The following TNS1 variants were observed in gnomAD, a reference collection of about 807,000 sequenced individuals.
TNS1 encodes tensin-1.
In TNS1, 62 loss-of-function variants were observed where a neutral mutation model predicts 168.6. The observed-to-expected ratio is 0.37, with a 90% CI of 0.30 to 0.45. The LOEUF (loss-of-function observed/expected upper bound fraction) is 0.45. Ranked by LOEUF, TNS1 falls within the 20% of genes least tolerant of loss-of-function variation. The pLI, the probability that TNS1 is intolerant of heterozygous loss-of-function variation, is 1.00. For synonymous variants in TNS1, 934 were observed against 933.2 expected (o/e 1.00, Z -0.02); for missense variants, 2,240 against 2,339.4 (o/e 0.96, Z 0.88).
intron 1 of TNS1, among the ~76,000 whole-genome samples, chr2:218,027,236 G>A (rs921577494): frequency 3.3e-5 from 5 of 151,874 alleles, no homozygotes; most frequent in Admixed American, 2.6e-4. Flanking sequence ...TTAAATCATC[G>A]GTCCCTCTCT....
chr2:217,970,517 A>C (rs911369567), intron 3 of TNS1, among the ~76,000 whole-genome samples: 7 of 152,224 alleles, frequency 4.6e-5, no homozygotes, highest in African/African-American at 1.7e-4. Flanking sequence ...CAACTGATGA[A>C]TGGAAAAACA....
At chr2:218,009,896 C>T (rs879806602) in intron 1 of TNS1, among the ~76,000 whole-genome samples, 1 of 152,202 alleles carries the variant, frequency 6.6e-6, no homozygotes, top group Non-Finnish European at 1.5e-5. Context: ...CTCCCCTTCC[C>T]GGATCCCAGC....
intron 32 of TNS1, among the ~76,000 whole-genome samples, chr2:217,806,775 C>T (rs1338577593): frequency 6.6e-6 from 1 of 152,240 alleles, no homozygotes; most frequent in African/African-American, 2.4e-5. Context: ...TCACTAGCCT[C>T]CTCCTGCCTC....
chr2:217,991,083 C>A, intron 1 of TNS1, 27 bp from the exon 2 acceptor site: 2 of 616,074 alleles, frequency 3.2e-6, no homozygotes, highest in South Asian at 1.8e-5. Flanking sequence ...ACAGAGTCAG[C>A]CCTGGGTAGA....
chr2:217,810,304 G>C lies in TNS1; in HGVS notation c.5048C>G (p.Ser1683Trp), dbSNP rs753948729. Residue 1683 changes from serine to tryptophan, a missense_variant, in exon 29 of 33, where the codon TCG becomes TGG. By Grantham distance (177) the Ser-to-Trp change is radical (BLOSUM62 -3). This residue lies in a region of TNS1 where 2,131 missense variants were observed against 2,171.2 expected (regional missense o/e 0.98). Coordinates refer to ENST00000682258, the MANE Select transcript of TNS1 (RefSeq NM_001387777.1). ...GTTGGCAGGGCCGGAGCTATCTTTC[G>C]ATTCATCTGTGGGGTCTAAGACAAA... ...VIPNRDPTDE[S>W]KDSSGPANST... 2 of 1,614,018 alleles carry C rather than the reference G, an allele frequency of 1.2e-6. No individual in the cohort carries two copies. The highest frequency in any genetic ancestry group is 1.3e-5 in the African/African-American group (1 of 74,894).
Position 218,025,869 on chromosome 2 carries a change from C to A in TNS1, c.156+7951G>T, listed in dbSNP as rs1324747578. On this transcript the variant is annotated intron_variant, in intron 1 of 1. Transcript: ENST00000649572. ...GGACGGTCTTTCTAGATCAACTCCA[C>A]CTCCATGGTTCCCTGTTGGCTTTGC... 2.6e-5 allele frequency among the ~76,000 whole-genome samples: 4 copies of A among 152,244 alleles called. No individual in the cohort carries two copies. In the East Asian group the frequency reaches 7.7e-4, roughly 29 times the overall value.
At chr2:218,021,673 C>T (rs1431520454) in intron 1 of TNS1, among the ~76,000 whole-genome samples, 2 of 151,990 alleles carry the variant, frequency 1.3e-5, no homozygotes, top group Non-Finnish European at 2.9e-5. Context: ...TCCCAGGAGT[C>T]GCTGGGGCCA....
At chr2:217,844,917 T>G (rs927845282) in intron 19 of TNS1, among the ~76,000 whole-genome samples, 1 of 152,240 alleles carries the variant, frequency 6.6e-6, no homozygotes, top group Admixed American at 6.5e-5. Context: ...CTTATTGCAC[T>G]GGCTAGGACA....
chr2:217,839,785 A>G (rs1279050624), intron 19 of TNS1, among the ~76,000 whole-genome samples: 2 of 152,152 alleles, frequency 1.3e-5, no homozygotes, highest in Non-Finnish European at 2.9e-5. Flanking sequence ...TCCGATTTCC[A>G]AAAGACTGGA....
chr2:217,942,288 CCG>C (rs1956951576), intron 3 of TNS1, among the ~76,000 whole-genome samples: 1 of 152,190 alleles, frequency 6.6e-6, no homozygotes, highest in Non-Finnish European at 1.5e-5. Flanking sequence ...GCCGGACTGG[CCG>C]AGACCCTCCC....
chr2:217,825,456 C>T (rs751326372), intron 22 of TNS1, among the ~76,000 whole-genome samples: 2 of 152,196 alleles, frequency 1.3e-5, no homozygotes, highest in Non-Finnish European at 2.9e-5. Context: ...CTGCCCAGAC[C>T]TTTTAAGAGT....
intron 32 of TNS1, among the ~76,000 whole-genome samples, chr2:217,805,492 A>ACATACACACCACCCACACAC (rs1938469476): frequency 4.3e-5 from 1 of 23,080 alleles, no homozygotes; most frequent in African/African-American, 1.6e-4. Flanking sequence ...CACCACACAC[A>ACATACACACCACCCACACAC]CACCACACAC....
At chr2:217,841,605 C>T (rs1230912776) in intron 19 of TNS1, among the ~76,000 whole-genome samples, 2 of 152,082 alleles carry the variant, frequency 1.3e-5, no homozygotes, top group Non-Finnish European at 2.9e-5. Context: ...AGCACCACAG[C>T]GTTTCCCTCT....
chr2:217,937,628 T>C (rs1465685830), intron 3 of TNS1, among the ~76,000 whole-genome samples: 1 of 151,936 alleles, frequency 6.6e-6, no homozygotes, highest in Non-Finnish European at 1.5e-5. Flanking sequence ...CAATCCAAGG[T>C]GAAGTTCCAC....
At chr2:217,857,926 G>T (rs1948347230) in intron 18 of TNS1, among the ~76,000 whole-genome samples, 1 of 152,296 alleles carries the variant, frequency 6.6e-6, no homozygotes, top group Non-Finnish European at 1.5e-5. Context: ...CCAGGCCAGG[G>T]TGCCAGCCTG....
At chr2:217,960,518 G>A (rs1439893094) in intron 3 of TNS1, among the ~76,000 whole-genome samples, 2 of 152,234 alleles carry the variant, frequency 1.3e-5, no homozygotes, top group South Asian at 4.2e-4. Flanking sequence ...TGGTCTTAGA[G>A]GGCACAGATG....
chr2:217,818,842 C>G (rs1942366683), intron 23 of TNS1, 83 bp from the exon 24 acceptor site: 2 of 1,093,636 alleles, frequency 1.8e-6, no homozygotes, highest in South Asian at 3.0e-5. Flanking sequence ...GCCCTCCCTC[C>G]AACCATGAAC....
At chr2:218,015,608 C>T (rs988814664) in intron 1 of TNS1, among the ~76,000 whole-genome samples, 3 of 152,190 alleles carry the variant, frequency 2.0e-5, no homozygotes, top group Middle Eastern at 3.2e-3. Context: ...CCTTCAGACC[C>T]TCGCAGCTCA....
At chr2:217,885,700 G>A (rs1574950163) in intron 15 of TNS1, 44 bp downstream of exon 15, 1 of 1,578,544 alleles carries the variant, frequency 6.3e-7, no homozygotes, top group Non-Finnish European at 8.6e-7. Flanking sequence ...AGAAGGGAGA[G>A]AAAATAAACA....
Sources: allele counts gnomAD v4.1 joint callset (sites outside exome capture counted in the v4.1 genomes callset), GRCh38; gene constraint gnomAD v4.1.1; regional missense constraint gnomAD v4.1.1; transcripts MANE v1.5; gene names NCBI Gene and HGNC (gene_info 2026-07-23, HGNC 2026-07-21).